The following PARP12 variants were observed in gnomAD, a reference collection of about 807,000 sequenced individuals.
PARP12 encodes poly(ADP-ribose) polymerase family member 12.
PARP12 carries 59 observed loss-of-function variants against 72.4 expected under a neutral mutation model. The observed-to-expected ratio is 0.81, with a 90% confidence interval of 0.66 to 1.01. PARP12 has a LOEUF of 1.01. PARP12 is among the 50% of genes least tolerant of loss of function. The pLI, the probability that PARP12 is intolerant of heterozygous loss-of-function variation, is 0.00. For missense variants in PARP12, 851 were observed against 914.0 expected, an observed-to-expected ratio of 0.93 and a Z score of 0.89; for synonymous variants, 403 against 371.4, an observed-to-expected ratio of 1.09 and a Z score of -0.98.
chr7:140,030,745 G>A (rs1815910468), intron 8 of PARP12, among the ~76,000 whole-genome samples: 1 of 152,228 alleles, frequency 6.6e-6, no homozygotes, highest in Non-Finnish European at 1.5e-5. Context: ...CTTTGAATGT[G>A]ACCCAACACA....
chr7:140,037,948 C>G, intron 6 of PARP12, 92 bp from the exon 7 acceptor site: 1 of 1,524,968 alleles, frequency 6.6e-7, no homozygotes. Flanking sequence ...CAGAGGTGCT[C>G]CTGGTGGACA....
At chr7:140,028,401 C>T (rs1815817330) in intron 9 of PARP12, among the ~76,000 whole-genome samples, 1 of 152,204 alleles carries the variant, frequency 6.6e-6, no homozygotes, top group Non-Finnish European at 1.5e-5. Context: ...CCCCTCCCCT[C>T]AGAGCCACAG....
intron 9 of PARP12, 35 bp downstream of exon 9, chr7:140,028,578 C>T (rs1291420146): frequency 1.3e-6 from 2 of 1,521,754 alleles, no homozygotes; most frequent in Non-Finnish European, 1.8e-6. Context: ...TACAGAACAC[C>T]TTCCTGTCCA....
chr7:140,051,604 G>A (rs1225844457), intron 4 of PARP12, among the ~76,000 whole-genome samples: 3 of 151,776 alleles, frequency 2.0e-5, no homozygotes, highest in Non-Finnish European at 2.9e-5. Flanking sequence ...TTGGCCAGGC[G>A]GGTCTCAAAC....
At chr7:140,042,344 C>A (rs946014792) in intron 5 of PARP12, among the ~76,000 whole-genome samples, 1 of 152,228 alleles carries the variant, frequency 6.6e-6, no homozygotes, top group Non-Finnish European at 1.5e-5. Context: ...AGCTAGTCAG[C>A]GGGCGAGCTG....
chr7:140,060,823 G>GTA (rs1817414151), intron 1 of PARP12, among the ~76,000 whole-genome samples: 1 of 152,026 alleles, frequency 6.6e-6, no homozygotes, highest in African/African-American at 2.4e-5. Context: ...GGCCTCAGAC[G>GTA]CTACCTCAGA....
At chr7:140,026,652 C>G (rs1343165885) in intron 10 of PARP12, among the ~76,000 whole-genome samples, 1 of 152,152 alleles carries the variant, frequency 6.6e-6, no homozygotes, top group African/African-American at 2.4e-5. Flanking sequence ...AACCCCACCC[C>G]CACCTTGCTC....
intron 5 of PARP12, among the ~76,000 whole-genome samples, chr7:140,044,061 A>C (rs994015462): frequency 2.0e-5 from 3 of 152,234 alleles, no homozygotes; most frequent in African/African-American, 7.2e-5. Context: ...TAAGGAGATC[A>C]TGGCTGAGGA....
chr7:140,025,005 C>G, intron 11 of PARP12, 120 bp from the exon 12 acceptor site: 1 of 786,178 alleles, frequency 1.3e-6, no homozygotes, highest in Non-Finnish European at 2.0e-6. Flanking sequence ...CACCCCGCAT[C>G]TCCCTCCCTC....
chr7:140,059,634 A>G (rs546307018), intron 1 of PARP12, among the ~76,000 whole-genome samples: 70 of 152,212 alleles, frequency 4.6e-4, no homozygotes, highest in African/African-American at 1.6e-3. Flanking sequence ...TCCACCCCAA[A>G]CCTGCACCTT....
intron 5 of PARP12, among the ~76,000 whole-genome samples, chr7:140,045,477 G>C (rs548132260): frequency 1.3e-5 from 2 of 152,116 alleles, no homozygotes; most frequent in African/African-American, 4.8e-5. Context: ...AAGTAATCTG[G>C]CCAAATTTAT....
At chr7:140,025,019 C>A in intron 11 of PARP12, 134 bp from the exon 12 acceptor site, 1 of 750,892 alleles carries the variant, frequency 1.3e-6, no homozygotes. Context: ...CTCCCTCCCT[C>A]TGTGCCATGT....
At chr7:140,050,864 G>A (rs1816930790) in intron 4 of PARP12, among the ~76,000 whole-genome samples, 1 of 151,920 alleles carries the variant, frequency 6.6e-6, no homozygotes, top group Non-Finnish European at 1.5e-5. Flanking sequence ...CACTATAAAG[G>A]AAATAAACAT....
intron 4 of PARP12, among the ~76,000 whole-genome samples, chr7:140,049,517 G>C (rs926773241): frequency 1.3e-5 from 2 of 152,174 alleles, no homozygotes; most frequent in African/African-American, 2.4e-5. Context: ...GGGCATCCCA[G>C]TAGTCAAATG....
At chr7:140,033,705 G>C in intron 8 of PARP12, 2 of 988,666 alleles carry the variant, frequency 2.0e-6, no homozygotes, top group Non-Finnish European at 2.4e-6. Context: ...CCTTCTAGGG[G>C]CTCACAGGCC....
intron 5 of PARP12, among the ~76,000 whole-genome samples, chr7:140,043,218 T>C (rs1189300754): frequency 5.9e-5 from 9 of 151,996 alleles, no homozygotes; most frequent in East Asian, 5.8e-4. Flanking sequence ...TCCAAAGAAA[T>C]TTCCATCAAA....
chr7:140,049,918 T>A (rs192779803), intron 4 of PARP12, among the ~76,000 whole-genome samples: 23 of 152,132 alleles, frequency 1.5e-4, no homozygotes. Flanking sequence ...CTACCTCACG[T>A]TGGCATTCCA....
intron 8 of PARP12, chr7:140,033,152 T>G: frequency 4.1e-6 from 4 of 980,738 alleles, no homozygotes; most frequent in Non-Finnish European, 4.8e-6. Context: ...CTCGGCCTCT[T>G]GAACTGTTGG....
chr7:140,024,760 G>A lies in PARP12; in HGVS notation c.1906C>T (p.Arg636Cys), dbSNP rs778937387. The change falls in exon 12 of 12, where the codon CGT (arginine) becomes TGT (cysteine). Residue 636 changes from arginine (R) to cysteine (C), a missense_variant. Coordinates refer to ENST00000263549, the MANE Select transcript of PARP12 (RefSeq NM_022750.4). ...EFVRGNASFV[R>C]PPAKEGWSNA... ...CTCCAGCCCTCCTTGGCCGGCGGAC[G>A]GACAAAGGAGGCATTGCCCCTGACG... 9.3e-6 allele frequency: 15 copies of A among 1,614,058 alleles called. No individual in the cohort carries two copies. Among genetic ancestry groups the A allele is most frequent in the South Asian group, 4.4e-5 (4 of 91,080 alleles).
Sources: allele counts gnomAD v4.1 joint callset (sites outside exome capture counted in the v4.1 genomes callset), GRCh38; gene constraint gnomAD v4.1.1; transcripts MANE v1.5; gene names NCBI Gene and HGNC (gene_info 2026-07-23, HGNC 2026-07-21).